The following SLX9 variants were observed in gnomAD, a reference collection of about 807,000 sequenced individuals.
The protein encoded by SLX9 is ribosome biogenesis protein SLX9 homolog.
In SLX9, 19 loss-of-function variants were observed where a neutral mutation model predicts 20.8. That is an observed-to-expected ratio of 0.91 (90% CI 0.64 to 1.34). The LOEUF is 1.34. SLX9 is among the 40% of genes most tolerant of loss of function. The pLI is 0.00. For missense variants in SLX9, 299 were observed against 322.2 expected (o/e 0.93, Z 0.55); for synonymous variants, 113 against 137.1 (o/e 0.82, Z 1.23).
rs766025722 is a variant in SLX9, at chr21:44,976,720, C to G, written c.610C>G (p.Pro204Ala). 1 of 1,574,306 alleles carries G rather than the reference C, an allele frequency of 6.4e-7. No homozygotes were observed. The highest frequency in any genetic ancestry group is 8.6e-7 in the Non-Finnish European group (1 of 1,160,638). ...CCGGTTTCAGGAGCTGCTGGCCAGT[C>G]CGGCCTACAGAGCCAGCCCCCTGGT... ...RTRFQELLAS[P>A]AYRASPLVAI... The change falls in exon 6 of 6, where the codon CCG becomes GCG. Residue 204 changes from proline (P) to alanine (A), a missense_variant. Coordinates refer to ENST00000291634, the MANE Select transcript of SLX9 (RefSeq NM_058190.4).
chr21:44,976,766 C>T lies in SLX9; in HGVS notation c.656C>T (p.Ala219Val). Residue 219 changes from alanine (A) to valine (V), a missense_variant, in exon 6 of 6, where the codon GCC (alanine) becomes GTC (valine). Transcript: ENST00000291634. ...SPLVAIGQTL[A>V]RQMQLEDGGQ... ...CTGGTGGCCATCGGGCAGACGCTGGCCCGGCAGATGCAGCTGGAAGATGGC... is the reference window on the plus strand; with the variant it reads ...CTGGTGGCCATCGGGCAGACGCTGGTCCGGCAGATGCAGCTGGAAGATGGC... The T allele has an allele frequency of 6.4e-7, 1 of 1,552,306 alleles. No homozygotes were observed. Among genetic ancestry groups the T allele is most frequent in the Non-Finnish European group, 8.7e-7 (1 of 1,150,028 alleles).
In SLX9 at chr21:44,967,072, G is replaced by A; in HGVS notation, c.391G>A (p.Glu131Lys). The change falls in exon 4 of 6, where the codon GAG becomes AAG. Residue 131 changes from glutamate to lysine, a missense_variant. Transcript: ENST00000291634. ...AAAACTGGCTGAGCAGAAGCACAGG[G>A]AGGAGCGGAGGCGGAGGGCCACGGT... The part of the protein sequence containing the change: ...AIKLAEQKHR[E>K]ERRRRATVVV... 1 of 1,611,710 alleles carries A rather than the reference G, an allele frequency of 6.2e-7. No homozygotes were observed. Among genetic ancestry groups the A allele is most frequent in the East Asian group, 2.2e-5 (1 of 44,866 alleles).
At chr21:44,974,555 T>G (rs561913051) in intron 5 of SLX9, among the ~76,000 whole-genome samples, 35 of 152,310 alleles carry the variant, frequency 2.3e-4, no homozygotes, top group Non-Finnish European at 3.5e-4. Context: ...TTTTTTAGTT[T>G]TTTAAAAAGT....
chr21:44,950,701 G>C lies in SLX9; in HGVS notation c.283+6864G>C, dbSNP rs952863798. On this transcript the variant is annotated intron_variant, in intron 2 of 5. Coordinates refer to ENST00000291634, the MANE Select transcript of SLX9 (RefSeq NM_058190.4). ...TGGTCACGCAGTCACATGGTGCCAT[G>C]CTGAGGCATTTGACTTGGACCAGAC... 4.5e-4 allele frequency among the ~76,000 whole-genome samples: 69 copies of C among 152,272 alleles called. 1 individual carries two copies. The highest frequency in any genetic ancestry group is 1.8e-4 in the Non-Finnish European group (12 of 68,052).
chr21:44,941,602 G>A (rs2084549840), intron 1 of SLX9, among the ~76,000 whole-genome samples: 1 of 152,168 alleles, frequency 6.6e-6, no homozygotes, highest in Non-Finnish European at 1.5e-5. Flanking sequence ...GGAGGTGGCT[G>A]TCAGATTCAG....
chr21:44,971,337 G>A (rs1356752533), intron 4 of SLX9, among the ~76,000 whole-genome samples: 1 of 152,024 alleles, frequency 6.6e-6, no homozygotes, highest in African/African-American at 2.4e-5. Context: ...GCCCATGACG[G>A]TAACCGCCCA....
At chr21:44,943,556 T>G (rs896860415) in intron 1 of SLX9, 128 bp from the exon 2 acceptor site, 2 of 1,315,504 alleles carry the variant, frequency 1.5e-6, no homozygotes, top group Non-Finnish European at 2.1e-6. Context: ...CCCCAGGTCC[T>G]CCCGGGCAGA....
rs1054736269 is a variant in SLX9 at position 44,976,904 on chromosome 21, C to A, written c.*101C>A. The A allele has an allele frequency of 1.1e-5, 17 of 1,479,276 alleles. No individual in the cohort carries two copies. The African/African-American group carries it at 2.4e-4, about 21-fold the overall frequency. The allele number at this position is 1,479,276 out of a possible 1,614,324, so 91.6% of individuals were successfully genotyped here. A position where few individuals can be genotyped will look rare whatever the true frequency, so the allele number is the denominator to read the frequency against. ...TGGCCTGAGCCTGGTGGACGCCCTT[C>A]CCTCTGGTCGGTTGTGGGGCTCAAT... is the stretch of plus-strand genomic sequence containing the variant. On this transcript the variant is annotated 3_prime_UTR_variant, in exon 6 of 6. Transcript: ENST00000291634.
chr21:44,943,944 T>A (rs1208178863), intron 2 of SLX9, 107 bp downstream of exon 2: 1 of 1,473,254 alleles, frequency 6.8e-7, no homozygotes, highest in Non-Finnish European at 9.3e-7. Flanking sequence ...TACCTGACAA[T>A]GTCCTTGAGC....
intron 1 of SLX9, among the ~76,000 whole-genome samples, chr21:44,941,036 A>T (rs1379058251): frequency 2.8e-5 from 4 of 143,282 alleles, no homozygotes; most frequent in Admixed American, 7.0e-5. Flanking sequence ...TGAAATTTTC[A>T]TTTTTTTTGA....
chr21:44,964,823 C>A (rs2085005782), intron 3 of SLX9, among the ~76,000 whole-genome samples: 1 of 152,176 alleles, frequency 6.6e-6, no homozygotes, highest in Non-Finnish European at 1.5e-5. Context: ...GTGGCTCCTG[C>A]TGTATTTTTT....
chr21:44,947,469 C>T (rs1301032074), intron 2 of SLX9, among the ~76,000 whole-genome samples: 2 of 152,184 alleles, frequency 1.3e-5, no homozygotes, highest in Non-Finnish European at 2.9e-5. Context: ...CATCTGCACC[C>T]CTCCTCCCCC....
chr21:44,940,087 A>G lies in SLX9; in HGVS notation c.30A>G (p.Arg10=). 6.9e-7 allele frequency: 1 copy of G among 1,456,584 alleles called. No homozygotes were observed. Among genetic ancestry groups the G allele is most frequent in the Non-Finnish European group, 9.1e-7 (1 of 1,102,466 alleles). 90.2% of individuals were successfully genotyped at this position (1,456,584 alleles called of 1,614,324 possible). ...GGAAAGTGAGGGGGTTGCGCGCCCG[A>G]GTGCACCAGGCTGCCGTGAGGCCGA... MGKVRGLRA[R]VHQAAVRPKG... The change falls in exon 1 of 6, where the codon CGA becomes CGG. Residue 10 remains arginine (R), a synonymous_variant. Transcript: ENST00000291634.
At chr21:44,944,808 C>T (rs2084613216) in intron 2 of SLX9, among the ~76,000 whole-genome samples, 2 of 152,232 alleles carry the variant, frequency 1.3e-5, no homozygotes, top group South Asian at 2.1e-4. Context: ...GGGCTCTGGG[C>T]CTCTGCCCCT....
chr21:44,949,326 TGTCAGGAGTGTCGGGCCTGGCA>T (rs1195437143), intron 2 of SLX9, among the ~76,000 whole-genome samples: 2 of 152,028 alleles, frequency 1.3e-5, no homozygotes, highest in African/African-American at 4.8e-5. Context: ...TGGGCCCGGC[TGTCAGGAGTGTCGGGCCTGGCA>T]GTCACACCGA....
At chr21:44,971,178 G>A (rs1198302187) in intron 4 of SLX9, among the ~76,000 whole-genome samples, 1 of 152,278 alleles carries the variant, frequency 6.6e-6, no homozygotes, top group Non-Finnish European at 1.5e-5. Context: ...TGTCGGGAGG[G>A]GAGTGGTGGT....
chr21:44,973,161 T>C (rs1337115015), intron 4 of SLX9, 36 bp from the exon 5 acceptor site: 10 of 1,612,224 alleles, frequency 6.2e-6, no homozygotes, highest in African/African-American at 2.7e-5. Flanking sequence ...TAGGGGATGC[T>C]GGATGCTGAC....
intron 2 of SLX9, among the ~76,000 whole-genome samples, chr21:44,951,904 C>G (rs1289570705): frequency 7.6e-6 from 1 of 131,708 alleles, no homozygotes; most frequent in Non-Finnish European, 1.5e-5. Flanking sequence ...GAACTTTGAG[C>G]ACAGAGACTG....
At chr21:44,946,652 TG>T (rs1480325209) in intron 2 of SLX9, among the ~76,000 whole-genome samples, 1 of 152,312 alleles carries the variant, frequency 6.6e-6, no homozygotes, top group East Asian at 1.9e-4. Flanking sequence ...GGCTGTCCTG[TG>T]GGAGGGGCGT....
Sources: allele counts gnomAD v4.1 joint callset (sites outside exome capture counted in the v4.1 genomes callset), GRCh38; gene constraint gnomAD v4.1.1; transcripts MANE v1.5; gene names NCBI Gene and HGNC (gene_info 2026-07-23, HGNC 2026-07-21).